Variants in MAML3 observed in about 807,000 individuals in gnomAD.
The protein encoded by MAML3 is mastermind-like protein 3.
MAML3 carries 27 observed loss-of-function variants against 101.9 expected under a neutral mutation model. That is an observed-to-expected ratio of 0.27 (90% CI 0.20 to 0.37). The LOEUF is 0.37. MAML3 is among the 10% of genes least tolerant of loss of function. The pLI, the probability that MAML3 is intolerant of heterozygous loss-of-function variation, is 1.00. For synonymous variants in MAML3, 501 were observed against 555.9 expected (o/e 0.90, Z 1.39); for missense variants, 1,316 against 1,444.9 (o/e 0.91, Z 1.45).
chr4:140,078,869 T>A (rs1727820227), intron 1 of MAML3, among the ~76,000 whole-genome samples: 1 of 151,640 alleles, frequency 6.6e-6, no homozygotes, highest in Admixed American at 6.6e-5. Flanking sequence ...AACAGAGGGG[T>A]CATTTCCAAC....
At chr4:140,085,859 C>T (rs1339613138) in intron 1 of MAML3, among the ~76,000 whole-genome samples, 4 of 152,116 alleles carry the variant, frequency 2.6e-5, no homozygotes, top group Admixed American at 2.6e-4. Context: ...CACTGAAAAC[C>T]GTCGTTTTTT....
At chr4:139,989,898 G>A (rs1734632400) in intron 1 of MAML3, among the ~76,000 whole-genome samples, 2 of 150,912 alleles carry the variant, frequency 1.3e-5, no homozygotes, top group African/African-American at 2.4e-5. Flanking sequence ...GAGAGAGAGA[G>A]AGAAAGAGAG....
At chr4:140,089,926 T>C (rs751048567) in intron 1 of MAML3, among the ~76,000 whole-genome samples, 12 of 152,210 alleles carry the variant, frequency 7.9e-5, no homozygotes, top group Admixed American at 1.3e-4. Context: ...CCCTACCCTA[T>C]GTGGTAGCGG....
chr4:139,740,362 G>C (rs1579380806), intron 2 of MAML3: 1 of 152,240 alleles, frequency 6.6e-6, no homozygotes, highest in African/African-American at 2.4e-5. Context: ...GCACCACTGA[G>C]ACGAGCACAG....
intron 1 of MAML3, among the ~76,000 whole-genome samples, chr4:139,903,266 T>C (rs1732760315): frequency 1.3e-5 from 2 of 152,206 alleles, no homozygotes; most frequent in Non-Finnish European, 2.9e-5. Flanking sequence ...TAAACCACTG[T>C]GTCCAGCTTC....
chr4:139,851,528 C>T (rs913164849), intron 2 of MAML3, among the ~76,000 whole-genome samples: 1 of 152,230 alleles, frequency 6.6e-6, no homozygotes, highest in African/African-American at 2.4e-5. Flanking sequence ...TTTCTCTTTT[C>T]AAACAATGAC....
intron 2 of MAML3, among the ~76,000 whole-genome samples, chr4:139,769,228 G>A (rs890751508): frequency 1.3e-5 from 2 of 152,198 alleles, no homozygotes; most frequent in Non-Finnish European, 2.9e-5. Context: ...TACAGAGTGG[G>A]TGTTCTTCTC....
At chr4:139,999,517 G>C (rs1367693682) in intron 1 of MAML3, among the ~76,000 whole-genome samples, 1 of 152,184 alleles carries the variant, frequency 6.6e-6, no homozygotes, top group East Asian at 1.9e-4. Context: ...AAGCACTGAA[G>C]TGATTGTTTT....
chr4:140,069,626 GAAGA>G (rs1018031609), intron 1 of MAML3, among the ~76,000 whole-genome samples: 3 of 133,112 alleles, frequency 2.3e-5, no homozygotes, highest in African/African-American at 8.7e-5. Context: ...GAAAAAGAAA[GAAGA>G]AAGAAGAAGA....
chr4:140,035,421 A>C (rs1233803390), intron 1 of MAML3, among the ~76,000 whole-genome samples: 1 of 152,192 alleles, frequency 6.6e-6, no homozygotes, highest in East Asian at 1.9e-4. Context: ...TAATTACTGC[A>C]ATCATCACTT....
At chr4:139,826,112 A>C (rs1236523149) in intron 2 of MAML3, among the ~76,000 whole-genome samples, 1 of 151,098 alleles carries the variant, frequency 6.6e-6, no homozygotes, top group Non-Finnish European at 1.5e-5. Context: ...TGATTCACAG[A>C]AGCTTTTTCC....
intron 1 of MAML3, among the ~76,000 whole-genome samples, chr4:139,988,815 A>T (rs1377299653): frequency 1.3e-4 from 20 of 152,220 alleles, no homozygotes. Flanking sequence ...TGGACTAACA[A>T]GCAACTCCCA....
chr4:139,776,473 C>G (rs1369710310), intron 2 of MAML3, among the ~76,000 whole-genome samples: 2 of 152,144 alleles, frequency 1.3e-5, no homozygotes, highest in East Asian at 3.9e-4. Context: ...GAAGACCACA[C>G]TGATAGATAA....
intron 1 of MAML3, among the ~76,000 whole-genome samples, chr4:140,046,809 G>C (rs1419925765): frequency 6.6e-6 from 1 of 152,016 alleles, no homozygotes; most frequent in African/African-American, 2.4e-5. Context: ...GAGGGGTAGG[G>C]GGGACTGTAC....
At chr4:140,091,973 C>T (rs1728059226) in intron 1 of MAML3, among the ~76,000 whole-genome samples, 3 of 151,506 alleles carry the variant, frequency 2.0e-5, no homozygotes, top group Admixed American at 6.6e-5. Flanking sequence ...TATCTTCAAA[C>T]GAGACTATAC....
intron 2 of MAML3, among the ~76,000 whole-genome samples, chr4:139,767,246 T>C (rs1471165107): frequency 6.6e-6 from 1 of 152,224 alleles, no homozygotes; most frequent in African/African-American, 2.4e-5. Context: ...CCAAGGGACA[T>C]GCTGACGGAT....
At chr4:139,802,376 C>CT (rs1199915997) in intron 2 of MAML3, among the ~76,000 whole-genome samples, 8 of 152,224 alleles carry the variant, frequency 5.3e-5, no homozygotes, top group Admixed American at 2.0e-4. Flanking sequence ...CCTATCCTTC[C>CT]TATCCAGTTG....
At chr4:139,949,028 G>GT (rs1490613158) in intron 1 of MAML3, among the ~76,000 whole-genome samples, 2 of 150,792 alleles carry the variant, frequency 1.3e-5, no homozygotes, top group African/African-American at 4.9e-5. Context: ...TTCTTTTTTT[G>GT]TTTTTTGAGA....
At chr4:139,795,376 G>A (rs936142040) in intron 2 of MAML3, among the ~76,000 whole-genome samples, 1 of 152,152 alleles carries the variant, frequency 6.6e-6, no homozygotes, top group African/African-American at 2.4e-5. Flanking sequence ...CAATTGAGTG[G>A]TTCATGCTTT....
Sources: allele counts gnomAD v4.1 joint callset (sites outside exome capture counted in the v4.1 genomes callset), GRCh38; gene constraint gnomAD v4.1.1; transcripts MANE v1.5; gene names NCBI Gene and HGNC (gene_info 2026-07-23, HGNC 2026-07-21).